FGF12: variants seen among roughly 807,000 people sequenced by gnomAD.
FGF12 encodes the protein fibroblast growth factor 12B.
A neutral mutation model predicts 23.6 loss-of-function variants in FGF12; 14 were observed. That is an observed-to-expected ratio of 0.59 (90% CI 0.39 to 0.93). FGF12 has a LOEUF of 0.93. Ranked by LOEUF, FGF12 falls within the 40% of genes least tolerant of loss-of-function variation. The pLI is 0.00. For synonymous variants in FGF12, 62 were observed against 77.3 expected, an observed-to-expected ratio of 0.80 and a Z score of 1.04; for missense variants, 175 against 217.8, an observed-to-expected ratio of 0.80 and a Z score of 1.24.
intron 4 of FGF12, among the ~76,000 whole-genome samples, chr3:192,304,863 G>A (rs970156346): frequency 1.2e-4 from 19 of 152,190 alleles, no homozygotes; most frequent in Non-Finnish European, 4.4e-5. Context: ...CTTTCTTGCT[G>A]TATAAGCTCC....
intron 4 of FGF12, among the ~76,000 whole-genome samples, chr3:192,204,759 A>T (rs1717555347): frequency 6.6e-6 from 1 of 151,982 alleles, no homozygotes; most frequent in Non-Finnish European, 1.5e-5. Flanking sequence ...GGTAGCATGC[A>T]CCTGTAGCCT....
intron 2 of FGF12, among the ~76,000 whole-genome samples, chr3:192,698,979 C>G (rs1353520790): frequency 1.3e-5 from 2 of 152,128 alleles, no homozygotes; most frequent in African/African-American, 4.8e-5. Context: ...TATGTTAATG[C>G]TTTAAAGAGA....
chr3:192,437,565 G>GCCTGTAAT (rs1190557059), intron 2 of FGF12, among the ~76,000 whole-genome samples: 2 of 152,154 alleles, frequency 1.3e-5, no homozygotes, highest in East Asian at 1.9e-4. Context: ...GGTGGTGGGT[G>GCCTGTAAT]CCTGTAATCC....
At chr3:192,705,935 G>C (rs1264335729) in intron 2 of FGF12, among the ~76,000 whole-genome samples, 1 of 152,030 alleles carries the variant, frequency 6.6e-6, no homozygotes, top group Non-Finnish European at 1.5e-5. Context: ...TCATTTTTTG[G>C]TTAAATGAAG....
intron 2 of FGF12, among the ~76,000 whole-genome samples, chr3:192,558,571 G>GA (rs550792310): frequency 1.5e-5 from 2 of 137,462 alleles, no homozygotes; most frequent in South Asian, 2.5e-4. Context: ...TGTGGAAATG[G>GA]AAAAAAAATC....
intron 2 of FGF12, among the ~76,000 whole-genome samples, chr3:192,422,815 A>G (rs1449710917): frequency 1.3e-5 from 2 of 152,192 alleles, no homozygotes; most frequent in Non-Finnish European, 2.9e-5. Flanking sequence ...GTAATTGATG[A>G]ATCACATTTC....
At chr3:192,228,313 T>C (rs565609749) in intron 4 of FGF12, among the ~76,000 whole-genome samples, 11 of 152,242 alleles carry the variant, frequency 7.2e-5, no homozygotes, top group Non-Finnish European at 1.6e-4. Context: ...GAGGCATGCA[T>C]TACCCATCAC....
Position 192,392,421 on chromosome 3 carries a change from AT to A in FGF12, c.14-31884del, listed in dbSNP as rs1477938391. 4.1e-4 allele frequency among the ~76,000 whole-genome samples: 57 copies of A among 138,116 alleles called. 1 individual carries two copies. Among genetic ancestry groups the A allele is most frequent in the Non-Finnish European group, 7.9e-4 (51 of 64,680 alleles). The allele number at this position is 138,116 out of a possible 152,430, so 90.6% of individuals were successfully genotyped here. On this transcript the variant is annotated intron_variant, in intron 2 of 5. Coordinates refer to ENST00000445105, the MANE Select transcript of FGF12 (RefSeq NM_004113.6). ...CGTCTCTACTAAAAATAAAAAATAA[AT>A]AAATAAATAAATAAATAAATAAATA...
chr3:192,517,457 C>T (rs2108844024), intron 2 of FGF12, among the ~76,000 whole-genome samples: 1 of 152,320 alleles, frequency 6.6e-6, no homozygotes, highest in East Asian at 1.9e-4. Context: ...AAAGACAACT[C>T]AGTACAATTA....
intron 2 of FGF12, among the ~76,000 whole-genome samples, chr3:192,593,782 T>C (rs1713724920): frequency 6.6e-6 from 1 of 151,932 alleles, no homozygotes; most frequent in African/African-American, 2.4e-5. Context: ...CTGGGTTGCT[T>C]CTGCCCTCCC....
chr3:192,539,203 C>T (rs922605282), intron 2 of FGF12, among the ~76,000 whole-genome samples: 2 of 152,164 alleles, frequency 1.3e-5, no homozygotes, highest in Non-Finnish European at 2.9e-5. Flanking sequence ...AAGTGAGCAT[C>T]CATGTCATGT....
intron 2 of FGF12, among the ~76,000 whole-genome samples, chr3:192,452,002 G>A (rs1295835633): frequency 6.6e-6 from 1 of 151,674 alleles, no homozygotes; most frequent in Non-Finnish European, 1.5e-5. Flanking sequence ...TCTTTTCCTT[G>A]CCTGTTTGCT....
At chr3:192,662,894 T>C (rs753897252) in intron 2 of FGF12, among the ~76,000 whole-genome samples, 19 of 152,336 alleles carry the variant, frequency 1.2e-4, no homozygotes, top group Admixed American at 1.2e-3. Context: ...CCAAAGATCG[T>C]TGGGAGACCT....
At chr3:192,582,672 C>A (rs908822505) in intron 2 of FGF12, among the ~76,000 whole-genome samples, 1 of 138,990 alleles carries the variant, frequency 7.2e-6, no homozygotes, top group South Asian at 2.3e-4. Flanking sequence ...GAAATGCTTC[C>A]ACAGCTAGTA....
chr3:192,727,462 A>ATTTTT (rs34864946), intron 1 of FGF12, 22 bp downstream of exon 1: 28 of 562,028 alleles, frequency 5.0e-5, no homozygotes, highest in East Asian at 7.6e-5. Context: ...GCCCGCTCAG[A>ATTTTT]TTTTTTTTTT....
chr3:192,591,536 A>G (rs764858832), intron 2 of FGF12, among the ~76,000 whole-genome samples: 4 of 151,864 alleles, frequency 2.6e-5, no homozygotes, highest in African/African-American at 9.7e-5. Flanking sequence ...TCTGGTTCCA[A>G]TGGAGTTCAG....
intron 4 of FGF12, among the ~76,000 whole-genome samples, chr3:192,206,948 T>A (rs1353487446): frequency 6.6e-6 from 1 of 152,182 alleles, no homozygotes; most frequent in Non-Finnish European, 1.5e-5. Flanking sequence ...ATGTAAACTT[T>A]AGAGTTAGGC....
At chr3:192,425,786 T>A (rs1387191537) in intron 2 of FGF12, among the ~76,000 whole-genome samples, 1 of 152,238 alleles carries the variant, frequency 6.6e-6, no homozygotes, top group Non-Finnish European at 1.5e-5. Context: ...TATAAAGTCA[T>A]GTACTATTGT....
At chr3:192,364,907 T>C (rs1198912081) in intron 2 of FGF12, among the ~76,000 whole-genome samples, 1 of 152,090 alleles carries the variant, frequency 6.6e-6, no homozygotes, top group Non-Finnish European at 1.5e-5. Flanking sequence ...AGTCAGGCAA[T>C]CAAGGCTAAT....
Sources: gnomAD v4.1 joint callset for allele counts (sites outside exome capture counted in the v4.1 genomes callset) on GRCh38, gnomAD v4.1.1 for gene constraint, MANE v1.5 for transcripts, NCBI Gene and HGNC (gene_info 2026-07-23, HGNC 2026-07-21) for gene names.